Variants in KIF21A observed in about 807,000 individuals in gnomAD.
The protein encoded by KIF21A is kinesin family member 21A.
In KIF21A, 114 loss-of-function variants were observed where a neutral mutation model predicts 202.9. The ratio of observed to expected loss-of-function variants is 0.56; its 90% CI spans 0.48 to 0.66. The LOEUF (loss-of-function observed/expected upper bound fraction) is 0.66. Ranked by LOEUF, KIF21A falls within the 30% of genes least tolerant of loss-of-function variation. The pLI is 0.00. For missense variants in KIF21A, 1,677 were observed against 1,994.9 expected, an observed-to-expected ratio of 0.84 and a Z score of 3.04; for synonymous variants, 667 against 670.8, an observed-to-expected ratio of 0.99 and a Z score of 0.09.
At chr12:39,310,077 T>A (rs141830666) in intron 32 of KIF21A, among the ~76,000 whole-genome samples, 1 of 152,240 alleles carries the variant, frequency 6.6e-6, no homozygotes, top group African/African-American at 2.4e-5. Flanking sequence ...GAATTTAGAA[T>A]GGCAGTCTCA....
intron 6 of KIF21A, among the ~76,000 whole-genome samples, chr12:39,364,546 TC>T (rs1430169037): frequency 1.3e-5 from 2 of 152,222 alleles, no homozygotes; most frequent in Admixed American, 6.5e-5. Flanking sequence ...TCTGGCTCTC[TC>T]TAATCAGGCT....
At position 39,370,636 on chromosome 12, in the gene KIF21A, T is replaced by C. The variant is rs142888393; in HGVS notation, c.45-375A>G. Among the ~76,000 whole-genome samples, 828 of 152,248 alleles carry C rather than the reference T, an allele frequency of 5.4e-3. 3 individuals carry two copies. Among genetic ancestry groups the C allele is most frequent in the Admixed American group, 0.018 (278 of 15,292 alleles). ...ATTGTTTTAGATTTTTTTCTCTTTA[T>C]TTCCAGTGATGATAGTATGGAAAAA... On this transcript the variant is annotated intron_variant, in intron 1 of 37. Coordinates refer to ENST00000361418, the MANE Select transcript of KIF21A (RefSeq NM_001173464.2).
intron 16 of KIF21A, chr12:39,337,442 T>C (rs993033154): frequency 2.2e-6 from 1 of 461,618 alleles, no homozygotes; most frequent in Admixed American, 3.7e-5. Flanking sequence ...ATTCAGTTGT[T>C]CTGCAACTTG....
intron 33 of KIF21A, among the ~76,000 whole-genome samples, chr12:39,309,096 C>A (rs890371450): frequency 6.6e-6 from 1 of 152,108 alleles, no homozygotes; most frequent in Non-Finnish European, 1.5e-5. Context: ...AAATAACCTG[C>A]AGTTATGAAA....
chr12:39,339,130 T>C (rs1258724572), intron 16 of KIF21A, among the ~76,000 whole-genome samples: 1 of 151,420 alleles, frequency 6.6e-6, no homozygotes, highest in African/African-American at 2.4e-5. Flanking sequence ...AATACAAAAA[T>C]TAGCTGGGCA....
chr12:39,391,785 G>A (rs1027896395), intron 1 of KIF21A, among the ~76,000 whole-genome samples: 10 of 152,024 alleles, frequency 6.6e-5, no homozygotes, highest in Admixed American at 6.5e-4. Flanking sequence ...TGTCACCCAG[G>A]CTGGAGTGCA....
intron 37 of KIF21A, 62 bp from the exon 38 acceptor site, chr12:39,294,579 C>G: frequency 8.6e-7 from 1 of 1,161,128 alleles, no homozygotes; most frequent in Non-Finnish European, 1.3e-6. Context: ...AGAAATAGCT[C>G]TTATAATTAC....
At chr12:39,374,949 C>T (rs2139290173) in intron 1 of KIF21A, among the ~76,000 whole-genome samples, 1 of 152,120 alleles carries the variant, frequency 6.6e-6, no homozygotes, top group South Asian at 2.1e-4. Flanking sequence ...TTGTTTGTTC[C>T]TTATTTCTTC....
At chr12:39,324,699 A>G (rs1945671243) in intron 26 of KIF21A, among the ~76,000 whole-genome samples, 1 of 152,172 alleles carries the variant, frequency 6.6e-6, no homozygotes, top group Non-Finnish European at 1.5e-5. Context: ...AATGAGCAAA[A>G]CTTGATGGTG....
At position 39,319,892 on chromosome 12, in the gene KIF21A, CATT is replaced by C. The variant is rs1945017405; in HGVS notation, c.3779+11_3779+13del. On this transcript the variant is annotated intron_variant, in intron 28 of 37. Transcript: ENST00000361418. ...TTAATACAGTCTAGCAGGTAAAAAA[CATT>C]AGTCACTTACTGCTTTTGTTCCTTG... is the stretch of plus-strand genomic sequence containing the variant. The C allele has an allele frequency of 2.0e-6, 3 of 1,471,926 alleles. No homozygotes were observed. The African/African-American group carries it at 4.2e-5, about 20-fold the overall frequency. The allele number at this position is 1,471,926 out of a possible 1,614,324, so 91.2% of individuals were successfully genotyped here. A position where few individuals can be genotyped will look rare whatever the true frequency, so the allele number is the denominator to read the frequency against.
In KIF21A at chr12:39,442,825, C is replaced by G; in HGVS notation, c.44+102G>C. 1 of 1,398,476 alleles carries G rather than the reference C, an allele frequency of 7.2e-7. No individual in the cohort carries two copies. The highest frequency in any genetic ancestry group is 2.7e-5 in the East Asian group (1 of 37,448). The allele number at this position is 1,398,476 out of a possible 1,614,324, so 86.6% of individuals were successfully genotyped here. A position where few individuals can be genotyped will look rare whatever the true frequency, so the allele number is the denominator to read the frequency against. ...CGCAGAACCCGGCCGGGACGCCCCT[C>G]AGGTCGCTCCACCCCGGTAGCCGGT... On this transcript the variant is annotated intron_variant, in intron 1 of 37. Coordinates refer to ENST00000361418, the MANE Select transcript of KIF21A (RefSeq NM_001173464.2). The surrounding 1 kb of genome is among the most constrained non-coding windows in gnomAD (Gnocchi z 5.0).
chr12:39,401,637 C>G (rs1170989058), intron 1 of KIF21A, among the ~76,000 whole-genome samples: 2 of 152,146 alleles, frequency 1.3e-5, no homozygotes, highest in Non-Finnish European at 2.9e-5. Flanking sequence ...ATGGGAGGAA[C>G]GCTTGGCTAA....
intron 35 of KIF21A, among the ~76,000 whole-genome samples, chr12:39,304,533 T>C (rs1943266628): frequency 6.6e-6 from 1 of 152,214 alleles, no homozygotes; most frequent in Non-Finnish European, 1.5e-5. Context: ...AAGATCATAA[T>C]ATTTTCGGGA....
chr12:39,399,201 T>C (rs1338889184), intron 1 of KIF21A, among the ~76,000 whole-genome samples: 2 of 152,200 alleles, frequency 1.3e-5, no homozygotes, highest in Non-Finnish European at 2.9e-5. Context: ...AAAGAAAATA[T>C]AGTATAACAA....
intron 27 of KIF21A, among the ~76,000 whole-genome samples, chr12:39,320,279 C>A (rs1024270855): frequency 6.6e-6 from 1 of 152,036 alleles, no homozygotes; most frequent in African/African-American, 2.4e-5. Flanking sequence ...CAGTGATATA[C>A]CGCCAAATAG....
At chr12:39,351,625 T>G (rs1948388216) in intron 11 of KIF21A, 152 bp downstream of exon 11, 2 of 576,912 alleles carry the variant, frequency 3.5e-6, no homozygotes, top group Non-Finnish European at 6.1e-6. Context: ...AGATAAACCA[T>G]TAAAAACTAG....
chr12:39,405,331 G>A (rs746774508), intron 1 of KIF21A, among the ~76,000 whole-genome samples: 3 of 151,886 alleles, frequency 2.0e-5, no homozygotes, highest in Non-Finnish European at 1.5e-5. Context: ...CAGCCTGGAC[G>A]ACAAGAGCAA....
At chr12:39,372,932 T>C (rs1950052362) in intron 1 of KIF21A, among the ~76,000 whole-genome samples, 1 of 152,124 alleles carries the variant, frequency 6.6e-6, no homozygotes, top group Non-Finnish European at 1.5e-5. Context: ...TCCACCTATC[T>C]AATCTAAGAG....
chr12:39,425,932 TAAA>T (rs1016584377), intron 1 of KIF21A, among the ~76,000 whole-genome samples: 1 of 53,278 alleles, frequency 1.9e-5, no homozygotes, highest in Non-Finnish European at 4.0e-5. Context: ...GATTAGAAAC[TAAA>T]AAAAAAAAAA....
Sources: allele counts gnomAD v4.1 joint callset (sites outside exome capture counted in the v4.1 genomes callset), GRCh38; gene constraint gnomAD v4.1.1; non-coding constraint Gnocchi (gnomAD v3.1); transcripts MANE v1.5; gene names NCBI Gene and HGNC (gene_info 2026-07-23, HGNC 2026-07-21).